Variants in THSD7B observed in about 807,000 individuals in gnomAD.
THSD7B encodes the protein thrombospondin type 1 domain containing 7B.
A neutral mutation model predicts 213.6 loss-of-function variants in THSD7B; 138 were observed. That is an observed-to-expected ratio of 0.65 (90% CI 0.56 to 0.74). The LOEUF is 0.74. Among genes scored for constraint, THSD7B ranks in the 30% least tolerant of loss-of-function variants. The probability of loss-of-function intolerance (pLI) is 0.00; values close to 1 mark genes in which losing one functional copy is unlikely to be tolerated. For synonymous variants in THSD7B, 742 were observed against 687.0 expected (o/e 1.08, Z -1.25); for missense variants, 1,931 against 1,991.5 (o/e 0.97, Z 0.58).
At chr2:137,475,064 T>C (rs1688166629) in intron 15 of THSD7B, among the ~76,000 whole-genome samples, 4 of 152,196 alleles carry the variant, frequency 2.6e-5, no homozygotes, top group South Asian at 2.1e-4. Flanking sequence ...CTCGATGTGC[T>C]TGATTGATGT....
At chr2:137,463,145 C>G (rs763981932) in intron 15 of THSD7B, among the ~76,000 whole-genome samples, 3 of 152,112 alleles carry the variant, frequency 2.0e-5, no homozygotes, top group African/African-American at 4.8e-5. Context: ...GATTTAAAAT[C>G]ATGTTCGATT....
At chr2:137,646,371 G>A (rs1296582637) in intron 21 of THSD7B, among the ~76,000 whole-genome samples, 2 of 151,684 alleles carry the variant, frequency 1.3e-5, no homozygotes, top group Non-Finnish European at 2.9e-5. Flanking sequence ...GTGGGGCGTG[G>A]TGGCTCACAC....
intron 2 of THSD7B, among the ~76,000 whole-genome samples, chr2:136,963,595 G>A (rs1573737213): frequency 6.6e-6 from 1 of 152,300 alleles, no homozygotes; most frequent in East Asian, 1.9e-4. Flanking sequence ...AGTGAGCCAT[G>A]ATTGCACCAC....
intron 17 of THSD7B, among the ~76,000 whole-genome samples, chr2:137,583,625 G>T (rs1446929834): frequency 6.6e-6 from 1 of 152,080 alleles, no homozygotes; most frequent in South Asian, 2.1e-4. Flanking sequence ...TTTTTCTCAG[G>T]TTTGTCAAAG....
chr2:137,408,321 C>T (rs12622469), intron 13 of THSD7B, among the ~76,000 whole-genome samples: 140,620 of 152,120 alleles, frequency 0.92, 65,953 homozygotes, highest in Non-Finnish European at 1. Context: ...TTCTCCTTCC[C>T]CCTTCTCCTT....
rs1203161973 is a variant in THSD7B at position 137,618,456 on chromosome 2, A to G, written c.3630A>G (p.Leu1210=). ...GTCAAGGCGTCAGGACCCGCCTGCT[A>G]AGCTGTGTGTGCAGTGATGGCAAGC... is the stretch of plus-strand genomic sequence containing the variant. ...PCGQGVRTRL[L]SCVCSDGKPV... The change falls in exon 19 of 28, where the codon CTA becomes CTG. Residue 1210 remains leucine (L), a synonymous_variant. Transcript: ENST00000409968. The G allele has an allele frequency of 2.5e-6, 4 of 1,613,900 alleles. No individual in the cohort carries two copies. The highest frequency in any genetic ancestry group is 3.4e-6 in the Non-Finnish European group (4 of 1,179,872).
intron 2 of THSD7B, among the ~76,000 whole-genome samples, chr2:137,014,924 C>T (rs965674320): frequency 2.0e-5 from 3 of 152,108 alleles, no homozygotes; most frequent in African/African-American, 7.2e-5. Flanking sequence ...TCCCCTGTGT[C>T]CTTCCCTACC....
intron 1 of THSD7B, among the ~76,000 whole-genome samples, chr2:136,809,333 A>G (rs1682339788): frequency 1.3e-5 from 2 of 152,200 alleles, no homozygotes; most frequent in African/African-American, 4.8e-5. Flanking sequence ...GACTCAGAGC[A>G]GATGCCTGAA....
intron 15 of THSD7B, among the ~76,000 whole-genome samples, chr2:137,535,814 T>G (rs1003578430): frequency 6.6e-6 from 1 of 151,434 alleles, no homozygotes; most frequent in Non-Finnish European, 1.5e-5. Context: ...ACATCAGACA[T>G]CTTCAAGAAT....
In THSD7B at chr2:137,450,952, C is replaced by T. The variant is rs750153977; in HGVS notation, c.3067C>T (p.Arg1023Ter). Residue 1023 changes from arginine (R) to a stop codon, truncating the protein, a stop_gained, in exon 15 of 28, where the codon CGA (arginine) becomes TGA (stop). Coordinates refer to ENST00000409968, the MANE Select transcript of THSD7B (RefSeq NM_001316349.2). LOFTEE classifies it high-confidence loss of function. Reference sequence around the variant, plus strand: ...ATCTTGTGGAATTGGAGTGAGAATTCGATCCAAATGGCTAAAAGAAAAACC... The same window carrying T: ...ATCTTGTGGAATTGGAGTGAGAATTTGATCCAAATGGCTAAAAGAAAAACC... ...SSSCGIGVRIRSKWLKEKPYN... is the reference protein window; with the variant it reads ...SSSCGIGVRI 11 of 1,612,710 alleles carry T rather than the reference C, an allele frequency of 6.8e-6. No individual in the cohort carries two copies. The highest frequency in any genetic ancestry group is 9.3e-6 in the Non-Finnish European group (11 of 1,179,248).
At chr2:136,948,611 T>C (rs1684982970) in intron 2 of THSD7B, among the ~76,000 whole-genome samples, 1 of 152,212 alleles carries the variant, frequency 6.6e-6, no homozygotes, top group Admixed American at 6.5e-5. Flanking sequence ...TGTATAAGAA[T>C]GTGTATTTAT....
At chr2:137,403,074 G>A (rs1686409669) in intron 12 of THSD7B, among the ~76,000 whole-genome samples, 1 of 152,116 alleles carries the variant, frequency 6.6e-6, no homozygotes. Flanking sequence ...AGAAAATGCA[G>A]GTGATGTTGG....
At chr2:136,846,941 G>A (rs1056445005) in intron 1 of THSD7B, among the ~76,000 whole-genome samples, 23 of 152,212 alleles carry the variant, frequency 1.5e-4, no homozygotes, top group Admixed American at 1.4e-3. Context: ...GTAATCATAT[G>A]GGTTATTTAG....
intron 15 of THSD7B, among the ~76,000 whole-genome samples, chr2:137,464,339 G>A (rs909819563): frequency 4.6e-5 from 7 of 152,008 alleles, no homozygotes; most frequent in Admixed American, 4.6e-4. Context: ...TCAGGAGTAA[G>A]ATTTTTATTA....
At chr2:137,584,469 G>A (rs969256257) in intron 17 of THSD7B, among the ~76,000 whole-genome samples, 1 of 152,128 alleles carries the variant, frequency 6.6e-6, no homozygotes, top group Non-Finnish European at 1.5e-5. Context: ...ATTGGCTGTG[G>A]CTTTGTCATA....
At chr2:137,199,218 T>C (rs941331583) in intron 7 of THSD7B, among the ~76,000 whole-genome samples, 1 of 152,184 alleles carries the variant, frequency 6.6e-6, no homozygotes. Context: ...AACAAATGCT[T>C]TTCCCAGTCA....
chr2:137,425,298 C>T (rs1687029830), intron 14 of THSD7B, among the ~76,000 whole-genome samples: 1 of 151,902 alleles, frequency 6.6e-6, no homozygotes, highest in Non-Finnish European at 1.5e-5. Context: ...ATCACTCCAA[C>T]CTCCACCTCG....
At chr2:136,973,023 T>C (rs1199715773) in intron 2 of THSD7B, among the ~76,000 whole-genome samples, 1 of 152,172 alleles carries the variant, frequency 6.6e-6, no homozygotes, top group Non-Finnish European at 1.5e-5. Flanking sequence ...GAATCAAGAC[T>C]AGAATTGTAT....
intron 14 of THSD7B, among the ~76,000 whole-genome samples, chr2:137,438,496 T>G (rs1379982756): frequency 1.3e-5 from 2 of 152,096 alleles, no homozygotes; most frequent in African/African-American, 4.8e-5. Flanking sequence ...CACCTCTGCT[T>G]GTTGCGGTGT....
Sources: allele counts gnomAD v4.1 joint callset (sites outside exome capture counted in the v4.1 genomes callset), GRCh38; gene constraint gnomAD v4.1.1; transcripts MANE v1.5; gene names NCBI Gene and HGNC (gene_info 2026-07-23, HGNC 2026-07-21).